EP300: variants seen among roughly 807,000 people sequenced by gnomAD.
The protein encoded by EP300 is EP300 lysine acetyltransferase.
EP300 carries 31 observed loss-of-function variants against 264.0 expected under a neutral mutation model. The observed-to-expected ratio is 0.12, with a 90% CI of 0.09 to 0.16. The LOEUF (loss-of-function observed/expected upper bound fraction) is 0.16, where lower values mean the gene tolerates loss of function less well. Ranked by LOEUF, EP300 falls within the 10% of genes least tolerant of loss-of-function variation. The pLI is 1.00. For missense variants in EP300, 2,766 were observed against 3,052.9 expected (o/e 0.91, Z 2.21); for synonymous variants, 1,340 against 1,045.4 (o/e 1.28, Z -5.44).
At chr22:41,131,333 T>C in intron 5 of EP300, 55 bp from the exon 6 acceptor site, 1 of 1,578,554 alleles carries the variant, frequency 6.3e-7, no homozygotes, top group Non-Finnish European at 8.7e-7. Flanking sequence ...GACATGTTAG[T>C]CTTTTTTTTC....
At chr22:41,121,722 T>A (rs1163055582) in intron 2 of EP300, among the ~76,000 whole-genome samples, 1 of 152,154 alleles carries the variant, frequency 6.6e-6, no homozygotes, top group Non-Finnish European at 1.5e-5. Flanking sequence ...AGGACCAGAT[T>A]GTTTGGGGAA....
At position 41,177,894 on chromosome 22, in the gene EP300, C is replaced by T. The variant is rs2059211875; in HGVS notation, c.6183C>T (p.Pro2061=). 7.4e-6 allele frequency: 12 copies of T among 1,614,208 alleles called. No homozygotes were observed. The highest frequency in any genetic ancestry group is 1.3e-5 in the African/African-American group (1 of 75,044). The part of the protein sequence containing the change: ...LQNLLRTLRS[P]SSPLQQQQVL... ...ACCTTTTGCGGACTCTCAGGTCTCCCAGCTCTCCCCTGCAGCAGCAACAGG... is the reference window on the plus strand; with the variant it reads ...ACCTTTTGCGGACTCTCAGGTCTCCTAGCTCTCCCCTGCAGCAGCAACAGG... Residue 2061 remains proline, a synonymous_variant, in exon 31 of 31, where the codon CCC becomes CCT. Coordinates refer to ENST00000263253, the MANE Select transcript of EP300 (RefSeq NM_001429.4).
intron 3 of EP300, among the ~76,000 whole-genome samples, 195 bp from the exon 4 acceptor site, chr22:41,127,292 T>C (rs1199417331): frequency 2.0e-5 from 3 of 152,144 alleles, no homozygotes; most frequent in African/African-American, 7.2e-5. Flanking sequence ...CACTTCGTAA[T>C]GTCATTTTTT....
At chr22:41,166,816 AT>A (rs1193922258) in intron 23 of EP300, 150 bp downstream of exon 23, 7 of 548,872 alleles carry the variant, frequency 1.3e-5, no homozygotes, top group African/African-American at 1.9e-5. Context: ...TCTGTAATAT[AT>A]TTTTTGGTGT....
intron 16 of EP300, among the ~76,000 whole-genome samples, chr22:41,152,641 G>A (rs958466466): frequency 6.6e-6 from 1 of 151,858 alleles, no homozygotes. Context: ...AGAAATGTTT[G>A]TAAATAGCCT....
chr22:41,169,803 G>A (rs557225887), intron 26 of EP300, among the ~76,000 whole-genome samples, 187 bp downstream of exon 26: 59 of 152,122 alleles, frequency 3.9e-4, no homozygotes, highest in Non-Finnish European at 7.6e-4. Context: ...GGATATGTTG[G>A]CCCTAGTTTC....
At chr22:41,099,873 G>A (rs1173530383) in intron 1 of EP300, among the ~76,000 whole-genome samples, 1 of 152,164 alleles carries the variant, frequency 6.6e-6, no homozygotes, top group Non-Finnish European at 1.5e-5. Context: ...ATTAGACGGA[G>A]GGGAGATTCA....
At chr22:41,129,058 T>C (rs2058900640) in intron 4 of EP300, among the ~76,000 whole-genome samples, 1 of 152,106 alleles carries the variant, frequency 6.6e-6, no homozygotes, top group Admixed American at 6.6e-5. Flanking sequence ...TCGCCCAGGC[T>C]GGAGTGCAGT....
At chr22:41,154,750 G>A (rs1405046828) in intron 16 of EP300, among the ~76,000 whole-genome samples, 7 of 152,118 alleles carry the variant, frequency 4.6e-5, no homozygotes, top group Admixed American at 3.9e-4. Flanking sequence ...TGACTGAAAA[G>A]TTAAGCTGAG....
chr22:41,102,033 T>C (rs1032070107), intron 1 of EP300, among the ~76,000 whole-genome samples: 28 of 150,550 alleles, frequency 1.9e-4, no homozygotes, highest in Admixed American at 5.3e-4. Context: ...TCTTTTCTTT[T>C]TTTTTTTTTT....
chr22:41,135,694 T>G, intron 6 of EP300, 119 bp from the exon 7 acceptor site: 1 of 749,836 alleles, frequency 1.3e-6, no homozygotes, highest in Non-Finnish European at 2.3e-6. Context: ...TGTCAATTAT[T>G]TATTGTATAT....
chr22:41,151,738 C>T (rs1323772741), intron 14 of EP300, 95 bp from the exon 15 acceptor site: 7 of 1,274,230 alleles, frequency 5.5e-6, no homozygotes, highest in Non-Finnish European at 2.3e-6. Flanking sequence ...AAATAGGTGG[C>T]TAATTCTGCT....
At chr22:41,114,225 A>G (rs2058809489) in intron 1 of EP300, among the ~76,000 whole-genome samples, 2 of 152,296 alleles carry the variant, frequency 1.3e-5, no homozygotes, top group Admixed American at 1.3e-4. Flanking sequence ...TCTGTCACCC[A>G]GGCTAGAGTG....
At chr22:41,144,226 T>C (rs1256203338) in intron 10 of EP300, among the ~76,000 whole-genome samples, 2 of 152,204 alleles carry the variant, frequency 1.3e-5, no homozygotes, top group Non-Finnish European at 2.9e-5. Flanking sequence ...AATTCCAGGA[T>C]ACTTGTGTTG....
chr22:41,135,051 C>T (rs527913755), intron 6 of EP300, among the ~76,000 whole-genome samples: 4 of 152,134 alleles, frequency 2.6e-5, no homozygotes, highest in Non-Finnish European at 4.4e-5. Context: ...TGGGACTAGG[C>T]GCACACCACC....
In EP300 at chr22:41,168,739, G is replaced by A. The variant is rs2059154086; in HGVS notation, c.4044G>A (p.Glu1348=). Residue 1348 remains glutamate, a synonymous_variant, in exon 25 of 31, where the codon GAG becomes GAA. Coordinates refer to ENST00000263253, the MANE Select transcript of EP300 (RefSeq NM_001429.4). ...TGTATAGGTTTGTGGACAGTGGAGAGATGGCAGAATCCTTTCCATACCGAA... is the reference window on the plus strand; with the variant it reads ...TGTATAGGTTTGTGGACAGTGGAGAAATGGCAGAATCCTTTCCATACCGAA... ...GMKARFVDSG[E]MAESFPYRTK... is the part of the protein sequence containing the mutation. The A allele has an allele frequency of 1.9e-6, 3 of 1,614,214 alleles. No homozygotes were observed. The highest frequency in any genetic ancestry group is 1.1e-5 in the South Asian group (1 of 91,084).
Position 41,125,051 on chromosome 22 carries a change from A to G in EP300, c.730-813A>G, listed in dbSNP as rs2058873160. Among the ~76,000 whole-genome samples, 8 of 143,762 alleles carry G rather than the reference A, an allele frequency of 5.6e-5. No homozygotes were observed. The Admixed American group carries it at 5.6e-4, about 10-fold the overall frequency. The allele number at this position is 143,762 out of a possible 152,430, so 94.3% of individuals were successfully genotyped here. A position where few individuals can be genotyped will look rare whatever the true frequency, so the allele number is the denominator to read the frequency against. Reference sequence around the variant, plus strand: ...CCTCCCAGGCTCAGGTGATCCTCCTACCTCAGCCTCCTGAGTAGCTGGGAC... The same window carrying G: ...CCTCCCAGGCTCAGGTGATCCTCCTGCCTCAGCCTCCTGAGTAGCTGGGAC... On this transcript the variant is annotated intron_variant, in intron 2 of 30. Coordinates refer to ENST00000263253, the MANE Select transcript of EP300 (RefSeq NM_001429.4).
At chr22:41,118,050 T>C (rs1374352066) in intron 2 of EP300, among the ~76,000 whole-genome samples, 1 of 152,232 alleles carries the variant, frequency 6.6e-6, no homozygotes, top group Non-Finnish European at 1.5e-5. Flanking sequence ...GCTGGTTCTC[T>C]CTGGCACAAG....
chr22:41,105,165 C>T (rs1446679587), intron 1 of EP300, among the ~76,000 whole-genome samples: 4 of 131,626 alleles, frequency 3.0e-5, no homozygotes, highest in Non-Finnish European at 6.4e-5. Flanking sequence ...CCACTGCACT[C>T]CAGCCTAGGT....
Sources: allele counts gnomAD v4.1 joint callset (sites outside exome capture counted in the v4.1 genomes callset), GRCh38; gene constraint gnomAD v4.1.1; transcripts MANE v1.5; gene names NCBI Gene and HGNC (gene_info 2026-07-23, HGNC 2026-07-21).